ADAM32: variants seen among roughly 807,000 people sequenced by gnomAD.
ADAM32 encodes the protein disintegrin and metalloproteinase domain-containing protein 32.
Under a neutral mutation model 114.9 loss-of-function variants are expected in ADAM32, and 89 were observed. The ratio of observed to expected loss-of-function variants is 0.77; its 90% confidence interval spans 0.65 to 0.92. The LOEUF (loss-of-function observed/expected upper bound fraction) is 0.92, where lower values mean the gene tolerates loss of function less well. Among genes scored for constraint, ADAM32 ranks in the 40% least tolerant of loss-of-function variants. ADAM32 has a pLI of 0.00. For missense variants in ADAM32, 870 were observed against 932.8 expected, an observed-to-expected ratio of 0.93 and a Z score of 0.88; for synonymous variants, 285 against 307.5, an observed-to-expected ratio of 0.93 and a Z score of 0.77.
intron 16 of ADAM32, among the ~76,000 whole-genome samples, chr8:39,238,496 T>C (rs1236063326): frequency 2.0e-5 from 3 of 152,286 alleles, no homozygotes; most frequent in Admixed American, 1.3e-4. Context: ...AGAAAAACAA[T>C]TCTGGTAATA....
At chr8:39,200,633 T>A (rs1374622207) in intron 11 of ADAM32, among the ~76,000 whole-genome samples, 1 of 152,220 alleles carries the variant, frequency 6.6e-6, no homozygotes, top group Non-Finnish European at 1.5e-5. Context: ...TTTAATTAGA[T>A]CCCATTTGTC....
intron 3 of ADAM32, among the ~76,000 whole-genome samples, chr8:39,137,429 T>C (rs1009380839): frequency 6.6e-6 from 1 of 151,992 alleles, no homozygotes; most frequent in Non-Finnish European, 1.5e-5. Context: ...ACAAAGTATT[T>C]TGATTGATGG....
At position 39,280,844 on chromosome 8, in the gene ADAM32, G is replaced by A. The variant is rs192801849; in HGVS notation, c.2280-292G>A. On this transcript the variant is annotated intron_variant, in intron 22 of 24. Coordinates refer to ENST00000379907, the MANE Select transcript of ADAM32 (RefSeq NM_145004.7). ...GTCTCCCAGGCTGGAGTGCAGTGGC[G>A]TGATCTTGGCTCACTGCAAGCTCTG... 2.0e-3 allele frequency among the ~76,000 whole-genome samples: 298 copies of A among 151,828 alleles called. 2 individuals carry two copies. Among genetic ancestry groups the A allele is most frequent in the African/African-American group, 6.4e-3 (266 of 41,438 alleles).
intron 9 of ADAM32, chr8:39,165,684 T>G (rs555752364): frequency 6.6e-6 from 1 of 152,266 alleles, no homozygotes; most frequent in African/African-American, 2.4e-5. Context: ...TATAATTGTA[T>G]TCATATTAAA....
chr8:39,280,843 C>T (rs942741756), intron 22 of ADAM32, among the ~76,000 whole-genome samples: 4 of 151,758 alleles, frequency 2.6e-5, no homozygotes, highest in South Asian at 2.1e-4. Flanking sequence ...AGTGCAGTGG[C>T]GTGATCTTGG....
intron 16 of ADAM32, among the ~76,000 whole-genome samples, chr8:39,234,585 G>C (rs1460220231): frequency 6.6e-6 from 1 of 151,942 alleles, no homozygotes; most frequent in African/African-American, 2.4e-5. Context: ...ACTCTACAGG[G>C]TATTGTGAAG....
chr8:39,265,922 G>A (rs1351923447), intron 19 of ADAM32, among the ~76,000 whole-genome samples: 3 of 152,156 alleles, frequency 2.0e-5, no homozygotes, highest in Non-Finnish European at 4.4e-5. Flanking sequence ...TGCTTATGAA[G>A]CTTAGTTTGG....
intron 14 of ADAM32, chr8:39,223,981 C>G (rs955617467): frequency 2.6e-5 from 4 of 152,118 alleles, no homozygotes; most frequent in Admixed American, 6.5e-5. Context: ...GATTTTCCTC[C>G]TTACTCTGAC....
At chr8:39,144,904 A>G (rs1036261221) in intron 3 of ADAM32, among the ~76,000 whole-genome samples, 2 of 152,204 alleles carry the variant, frequency 1.3e-5, no homozygotes, top group Non-Finnish European at 2.9e-5. Flanking sequence ...TTATATGTAG[A>G]TTACTTATAG....
rs138855238 is a variant in ADAM32, at chr8:39,133,756, G to C, written c.139-2901G>C. Among the ~76,000 whole-genome samples the C allele has an allele frequency of 7.7e-4, 117 of 152,346 alleles. 1 individual carries two copies. The highest frequency in any genetic ancestry group is 2.8e-3 in the African/African-American group (115 of 41,578). On this transcript the variant is annotated intron_variant, in intron 2 of 24. Transcript: ENST00000379907. The stretch of plus-strand genomic sequence containing the variant: ...GCATGGGCACTGGTGCTGATAGCAG[G>C]TGGGGCTGGCCAGATATCAGATCCC...
At chr8:39,170,569 A>G (rs1334148397) in intron 10 of ADAM32, among the ~76,000 whole-genome samples, 2 of 152,008 alleles carry the variant, frequency 1.3e-5, no homozygotes, top group African/African-American at 2.4e-5. Flanking sequence ...AAGTTTAAGT[A>G]CTATTTTTTT....
intron 17 of ADAM32, among the ~76,000 whole-genome samples, chr8:39,251,482 A>G (rs1036838717): frequency 1.1e-4 from 16 of 151,836 alleles, no homozygotes; most frequent in Non-Finnish European, 1.6e-4. Flanking sequence ...ACATTTTTTC[A>G]TATACCTGTT....
chr8:39,261,309 A>G (rs1447750452), intron 19 of ADAM32, among the ~76,000 whole-genome samples: 1 of 152,142 alleles, frequency 6.6e-6, no homozygotes, highest in African/African-American at 2.4e-5. Context: ...ATAAATGAGA[A>G]CATGCAGTGT....
Position 39,243,434 on chromosome 8 carries a change from C to T in ADAM32, c.1819-2649C>T, listed in dbSNP as rs1403956942. Among the ~76,000 whole-genome samples the T allele has an allele frequency of 7.2e-5, 11 of 152,150 alleles. 1 individual carries two copies. The highest frequency in any genetic ancestry group is 2.4e-5 in the African/African-American group (1 of 41,432). On this transcript the variant is annotated intron_variant, in intron 16 of 24. Transcript: ENST00000379907. ...AACAGCATATCAAAAAGATATTCCA[C>T]CATGATCAAGTTGGTATCATACCAG...
chr8:39,170,191 T>G (rs1805105202), intron 10 of ADAM32, among the ~76,000 whole-genome samples, 194 bp downstream of exon 10: 1 of 152,148 alleles, frequency 6.6e-6, no homozygotes, highest in African/African-American at 2.4e-5. Context: ...TTAATTATGT[T>G]TCAGAGTTGG....
intron 3 of ADAM32, among the ~76,000 whole-genome samples, chr8:39,145,978 C>T (rs1803483392): frequency 6.6e-6 from 1 of 152,118 alleles, no homozygotes; most frequent in Admixed American, 6.5e-5. Context: ...GCAATCCCTC[C>T]ACCTCGGCCT....
intron 1 of ADAM32, among the ~76,000 whole-genome samples, chr8:39,112,699 C>G (rs867522453): frequency 1.3e-5 from 2 of 152,192 alleles, no homozygotes; most frequent in African/African-American, 4.8e-5. Context: ...ACTATCACCA[C>G]CCCCTTGCCC....
chr8:39,282,708 G>A (rs1813495582), intron 23 of ADAM32, among the ~76,000 whole-genome samples: 1 of 152,072 alleles, frequency 6.6e-6, no homozygotes, highest in Admixed American at 6.5e-5. Flanking sequence ...TTGCCGTTGG[G>A]AAGCCAGTGG....
Position 39,257,283 on chromosome 8 carries a change from T to A in ADAM32, c.2102T>A (p.Val701Asp). Residue 701 changes from valine to aspartate, a missense_variant, in exon 19 of 25, where the codon GTT becomes GAT. By Grantham distance (152) the Val-to-Asp change is radical (BLOSUM62 -3). Transcript: ENST00000379907. ...ATTCTCATTGTAACAACCGCAATAG[T>A]TTTGGCAAGGAAACAGTTGAAAAAG... is the stretch of plus-strand genomic sequence containing the variant. ...LPILIVTTAI[V>D]LARKQLKKWF... 2 of 1,613,288 alleles carry A rather than the reference T, an allele frequency of 1.2e-6. No individual in the cohort carries two copies.
Sources: gnomAD v4.1 joint callset for allele counts (sites outside exome capture counted in the v4.1 genomes callset) on GRCh38, gnomAD v4.1.1 for gene constraint, MANE v1.5 for transcripts, NCBI Gene and HGNC (gene_info 2026-07-23, HGNC 2026-07-21) for gene names.